DAB1: variants seen among roughly 807,000 people sequenced by gnomAD.
DAB1 encodes disabled homolog 1.
In DAB1, 15 loss-of-function variants were observed where a neutral mutation model predicts 64.6. The observed-to-expected ratio is 0.23, with a 90% CI of 0.16 to 0.36. The LOEUF is 0.36. Ranked by LOEUF, DAB1 falls within the 10% of genes least tolerant of loss-of-function variation. The probability of loss-of-function intolerance (pLI) is 1.00; values close to 1 mark genes in which losing one functional copy is unlikely to be tolerated. For missense variants in DAB1, 596 were observed against 706.7 expected (o/e 0.84, Z 1.78); for synonymous variants, 235 against 251.9 (o/e 0.93, Z 0.64).
chr1:57,998,591 C>A (rs939436856), intron 5 of DAB1, among the ~76,000 whole-genome samples: 1 of 151,956 alleles, frequency 6.6e-6, no homozygotes, highest in South Asian at 2.1e-4. Flanking sequence ...CTCAAACTTC[C>A]GACCTCAGGT....
intron 7 of DAB1, among the ~76,000 whole-genome samples, chr1:57,429,733 A>G (rs1019072513): frequency 1.3e-5 from 2 of 152,136 alleles, no homozygotes; most frequent in Non-Finnish European, 2.9e-5. Flanking sequence ...AACACCATTT[A>G]TTGAAAAGAC....
intron 3 of DAB1, among the ~76,000 whole-genome samples, chr1:57,139,852 C>T (rs548286859): frequency 5.3e-4 from 80 of 152,232 alleles, no homozygotes; most frequent in Non-Finnish European, 7.8e-4. Context: ...CATACATGTT[C>T]CAGGAGCATT....
intron 2 of DAB1, among the ~76,000 whole-genome samples, chr1:57,155,066 C>T (rs1318946117): frequency 3.9e-5 from 6 of 152,144 alleles, no homozygotes; most frequent in Non-Finnish European, 8.8e-5. Context: ...CTTTCATTGC[C>T]TGTGCTTGTG....
At chr1:57,142,048 GATATA>G (rs747562509) in intron 3 of DAB1, among the ~76,000 whole-genome samples, 3 of 152,074 alleles carry the variant, frequency 2.0e-5, no homozygotes, top group South Asian at 2.1e-4. Flanking sequence ...ATGATCAAAA[GATATA>G]ATATATGTGA....
chr1:58,233,293 C>T (rs948672663), intron 4 of DAB1, among the ~76,000 whole-genome samples: 7 of 152,196 alleles, frequency 4.6e-5, no homozygotes, highest in Non-Finnish European at 1.0e-4. Flanking sequence ...TCCATAACAA[C>T]TTGATGAGTA....
chr1:57,139,231 G>T (rs547910433), intron 3 of DAB1, among the ~76,000 whole-genome samples: 5 of 152,200 alleles, frequency 3.3e-5, no homozygotes, highest in African/African-American at 7.2e-5. Context: ...CTCATAGAGG[G>T]GATTAGCGTT....
chr1:57,085,823 T>C (rs1440263626), intron 4 of DAB1, among the ~76,000 whole-genome samples: 1 of 151,782 alleles, frequency 6.6e-6, no homozygotes, highest in Non-Finnish European at 1.5e-5. Flanking sequence ...ATTCACGGAG[T>C]GAATAAGTGA....
intron 3 of DAB1, among the ~76,000 whole-genome samples, chr1:58,435,349 C>G (rs894338377): frequency 6.6e-6 from 1 of 152,158 alleles, no homozygotes; most frequent in African/African-American, 2.4e-5. Context: ...CACCAATTTT[C>G]TTTTCTTTCC....
At chr1:58,274,960 G>T (rs2762912) in intron 4 of DAB1, among the ~76,000 whole-genome samples, 2 of 150,034 alleles carry the variant, frequency 1.3e-5, no homozygotes, top group Non-Finnish European at 3.0e-5. Flanking sequence ...AGAAATCACC[G>T]GTCTTCTGCA....
chr1:57,915,067 G>A (rs1269467967), intron 5 of DAB1, among the ~76,000 whole-genome samples: 1 of 147,546 alleles, frequency 6.8e-6, no homozygotes, highest in East Asian at 2.0e-4. Context: ...AGAACTAAAT[G>A]AGACAAATAG....
intron 3 of DAB1, among the ~76,000 whole-genome samples, chr1:58,392,403 G>A (rs1348765318): frequency 1.3e-5 from 2 of 152,082 alleles, no homozygotes; most frequent in Non-Finnish European, 2.9e-5. Flanking sequence ...GCGGGTTGAC[G>A]TAGTATAAAG....
chr1:58,456,348 A>G (rs1215160780), intron 3 of DAB1, among the ~76,000 whole-genome samples: 1 of 152,148 alleles, frequency 6.6e-6, no homozygotes, highest in African/African-American at 2.4e-5. Flanking sequence ...CATAATCACT[A>G]TGTTTTACCG....
chr1:57,963,785 C>T (rs1485240866), intron 5 of DAB1, among the ~76,000 whole-genome samples: 1 of 152,032 alleles, frequency 6.6e-6, no homozygotes, highest in Admixed American at 6.5e-5. Context: ...CCACCAAACT[C>T]ATATCGCATT....
chr1:58,090,407 G>C (rs138956255), intron 5 of DAB1, among the ~76,000 whole-genome samples: 9 of 152,284 alleles, frequency 5.9e-5, no homozygotes, highest in African/African-American at 2.2e-4. Context: ...TTGGTCGCAA[G>C]AACACTTTTG....
intron 3 of DAB1, among the ~76,000 whole-genome samples, chr1:58,406,714 C>A (rs997115434): frequency 4.9e-5 from 4 of 82,352 alleles, no homozygotes; most frequent in Non-Finnish European, 1.1e-4. Flanking sequence ...TATCATCCCC[C>A]CCCCCCAACT....
intron 5 of DAB1, among the ~76,000 whole-genome samples, chr1:58,102,604 T>C (rs1259796101): frequency 6.6e-6 from 1 of 152,230 alleles, no homozygotes; most frequent in East Asian, 1.9e-4. Flanking sequence ...GATGTCATCT[T>C]GCCAAAATAT....
chr1:57,562,251 T>A (rs956320275), intron 7 of DAB1, among the ~76,000 whole-genome samples: 1 of 152,226 alleles, frequency 6.6e-6, no homozygotes, highest in Non-Finnish European at 1.5e-5. Flanking sequence ...AGGATGCCTG[T>A]CATCCCAGCT....
intron 5 of DAB1, among the ~76,000 whole-genome samples, chr1:58,095,445 T>C (rs13374179): frequency 1.3e-5 from 2 of 152,200 alleles, no homozygotes; most frequent in Admixed American, 1.3e-4. Flanking sequence ...AGAGCCACAG[T>C]AGAGGACAGA....
intron 3 of DAB1, among the ~76,000 whole-genome samples, chr1:58,447,361 A>G (rs966281362): frequency 6.6e-6 from 1 of 151,812 alleles, no homozygotes; most frequent in Non-Finnish European, 1.5e-5. Context: ...CAACATGAAA[A>G]AAAGGAGAGA....
Sources: gnomAD v4.1 joint callset for allele counts (sites outside exome capture counted in the v4.1 genomes callset) on GRCh38, gnomAD v4.1.1 for gene constraint, MANE v1.5 for transcripts, NCBI Gene and HGNC (gene_info 2026-07-23, HGNC 2026-07-21) for gene names.